ROBO2: variants seen among roughly 807,000 people sequenced by gnomAD.
ROBO2 encodes roundabout homolog 2.
ROBO2 carries 53 observed loss-of-function variants against 160.8 expected under a neutral mutation model. The ratio of observed to expected loss-of-function variants is 0.33; its 90% CI spans 0.26 to 0.41. ROBO2 has a LOEUF of 0.41. ROBO2 is among the 10% of genes least tolerant of loss of function. ROBO2 has a pLI of 1.00. For missense variants in ROBO2, 1,577 were observed against 1,722.4 expected (o/e 0.92, Z 1.49); for synonymous variants, 664 against 611.7 (o/e 1.09, Z -1.26).
chr3:76,917,207 C>T (rs2076374572), intron 2 of ROBO2, among the ~76,000 whole-genome samples: 1 of 152,092 alleles, frequency 6.6e-6, no homozygotes, highest in Non-Finnish European at 1.5e-5. Context: ...GCAATCAAGC[C>T]TCCCATTAAA....
At chr3:76,480,237 A>G (rs997773806) in intron 2 of ROBO2, among the ~76,000 whole-genome samples, 5 of 152,150 alleles carry the variant, frequency 3.3e-5, no homozygotes, top group African/African-American at 7.2e-5. Flanking sequence ...TCACTCTCCT[A>G]GAATAGTGAT....
At chr3:76,861,223 C>T (rs3884005) in intron 2 of ROBO2, among the ~76,000 whole-genome samples, 18,908 of 152,132 alleles carry the variant, frequency 0.12, 1,340 homozygotes, top group East Asian at 0.25. Context: ...GGCACTGGAA[C>T]TCATATTGGG....
chr3:76,691,109 T>A (rs1220446581), intron 2 of ROBO2, among the ~76,000 whole-genome samples: 1 of 152,062 alleles, frequency 6.6e-6, no homozygotes, highest in African/African-American at 2.4e-5. Flanking sequence ...TAACAGGTGA[T>A]TAGATCATGA....
At chr3:77,521,381 C>T (rs1407986577) in intron 5 of ROBO2, among the ~76,000 whole-genome samples, 1 of 151,048 alleles carries the variant, frequency 6.6e-6, no homozygotes, top group Non-Finnish European at 1.5e-5. Context: ...AAGATGTCTG[C>T]CTTCATCAAA....
At chr3:77,108,640 G>T (rs780380719) in intron 2 of ROBO2, among the ~76,000 whole-genome samples, 15 of 152,230 alleles carry the variant, frequency 9.9e-5, no homozygotes, top group East Asian at 5.8e-4. Flanking sequence ...TAGGGTAGGG[G>T]CCTTCAGACA....
intron 2 of ROBO2, among the ~76,000 whole-genome samples, chr3:77,194,444 CCTT>C (rs1237691197): frequency 6.6e-6 from 1 of 152,128 alleles, no homozygotes; most frequent in Non-Finnish European, 1.5e-5. Flanking sequence ...ACTTCAGACT[CCTT>C]CTTACATTAA....
chr3:76,582,408 T>C (rs1165914352), intron 2 of ROBO2, among the ~76,000 whole-genome samples: 1 of 152,172 alleles, frequency 6.6e-6, no homozygotes, highest in East Asian at 1.9e-4. Context: ...AAAAATGCTG[T>C]TTCTCTTTGT....
intron 5 of ROBO2, among the ~76,000 whole-genome samples, chr3:77,508,023 T>C (rs1307013125): frequency 6.6e-6 from 1 of 151,944 alleles, no homozygotes; most frequent in Non-Finnish European, 1.5e-5. Context: ...TCCTTTCTGA[T>C]CATGATAAAC....
At chr3:77,167,711 C>T (rs919716616) in intron 2 of ROBO2, among the ~76,000 whole-genome samples, 5 of 152,090 alleles carry the variant, frequency 3.3e-5, no homozygotes, top group Non-Finnish European at 5.9e-5. Flanking sequence ...TTGTTGTGTA[C>T]ATTAGTACTG....
At chr3:77,288,650 A>G (rs2060789166) in intron 2 of ROBO2, among the ~76,000 whole-genome samples, 2 of 152,174 alleles carry the variant, frequency 1.3e-5, no homozygotes, top group Non-Finnish European at 2.9e-5. Context: ...TTTTTACAAA[A>G]CACACCCAAA....
At chr3:76,127,670 T>G (rs2108319917) in intron 2 of ROBO2, among the ~76,000 whole-genome samples, 1 of 152,036 alleles carries the variant, frequency 6.6e-6, no homozygotes, top group East Asian at 1.9e-4. Context: ...ATCTGTGAAT[T>G]ATCTCATTTA....
intron 2 of ROBO2, among the ~76,000 whole-genome samples, chr3:76,174,987 A>G (rs1172194680): frequency 6.6e-6 from 1 of 152,124 alleles, no homozygotes; most frequent in African/African-American, 2.4e-5. Flanking sequence ...GATTCTTCCT[A>G]TCCATGAGCA....
chr3:77,291,183 A>C (rs895040018), intron 2 of ROBO2, among the ~76,000 whole-genome samples: 5 of 149,324 alleles, frequency 3.3e-5, no homozygotes, highest in African/African-American at 1.3e-4. Context: ...GTAAAGACAT[A>C]AAGTAAAATT....
chr3:76,476,710 G>A (rs1046999159), intron 2 of ROBO2, among the ~76,000 whole-genome samples: 1 of 152,064 alleles, frequency 6.6e-6, no homozygotes, highest in South Asian at 2.1e-4. Context: ...CTGGACAGAG[G>A]GCTAACAGTC....
intron 2 of ROBO2, among the ~76,000 whole-genome samples, chr3:76,042,174 G>A (rs1033214944): frequency 6.6e-6 from 1 of 152,062 alleles, no homozygotes; most frequent in East Asian, 1.9e-4. Flanking sequence ...ATTGTAGAAA[G>A]GATCTTTCCT....
intron 2 of ROBO2, among the ~76,000 whole-genome samples, chr3:77,238,096 T>C (rs911666448): frequency 7.9e-5 from 12 of 151,276 alleles, no homozygotes; most frequent in African/African-American, 2.4e-4. Context: ...TTTTTTGCTG[T>C]TGAGATTTTA....
rs1404651728 is a variant in ROBO2, at chr3:77,321,105, G to T, written c.389-156309G>T. On this transcript the variant is annotated intron_variant, in intron 2 of 25. Coordinates refer to ENST00000461745, the Ensembl canonical transcript of ROBO2. ...TATTGGGTCGGAGTTAACTCAAGCG[G>T]TTACCTCCTCATGCCGGACTTTCTA... 2.6e-5 allele frequency among the ~76,000 whole-genome samples: 4 copies of T among 152,116 alleles called. No homozygotes were observed. In the East Asian group the frequency reaches 7.7e-4, roughly 29 times the overall value.
In ROBO2 at chr3:76,955,930, A is replaced by G. The variant is rs144970568; in HGVS notation, c.110-142084A>G. 5.7e-3 allele frequency among the ~76,000 whole-genome samples: 869 copies of G among 151,614 alleles called. 6 individuals are homozygous for G. The highest frequency in any genetic ancestry group is 0.013 in the East Asian group (66 of 5,140). ...GAAAGAAAGAAACACATTTACTTCC[A>G]TCTTAAATACATTTTAAAATGTTTC... On this transcript the variant is annotated intron_variant, in intron 2 of 26. Coordinates refer to the ROBO2 transcript ENST00000487694.
intron 2 of ROBO2, among the ~76,000 whole-genome samples, chr3:76,714,041 T>C (rs1001628214): frequency 6.6e-6 from 1 of 152,112 alleles, no homozygotes; most frequent in South Asian, 2.1e-4. Context: ...AGTTAGTATG[T>C]TCAGAAATAG....
Sources: allele counts gnomAD v4.1 joint callset (sites outside exome capture counted in the v4.1 genomes callset), GRCh38; gene constraint gnomAD v4.1.1; transcripts MANE v1.5; gene names NCBI Gene and HGNC (gene_info 2026-07-23, HGNC 2026-07-21).